Variants in PALLD observed in about 807,000 individuals in gnomAD.
PALLD encodes palladin, cytoskeletal associated protein.
Under a neutral mutation model 123.5 loss-of-function variants are expected in PALLD, and 61 were observed. That is an observed-to-expected ratio of 0.49 (90% CI 0.40 to 0.61). The LOEUF (loss-of-function observed/expected upper bound fraction) is 0.61. PALLD is among the 20% of genes least tolerant of loss of function. The pLI is 0.00. For synonymous variants in PALLD, 465 were observed against 496.4 expected (o/e 0.94, Z 0.84); for missense variants, 1,273 against 1,377.0 (o/e 0.92, Z 1.20).
intron 2 of PALLD, among the ~76,000 whole-genome samples, chr4:168,572,787 T>C (rs1561261265): frequency 6.6e-6 from 1 of 151,700 alleles, no homozygotes; most frequent in Non-Finnish European, 1.5e-5. Flanking sequence ...AAGCCATCCT[T>C]CCACGGACAT....
intron 10 of PALLD, among the ~76,000 whole-genome samples, chr4:168,818,568 G>A (rs780303673): frequency 2.6e-5 from 4 of 152,188 alleles, no homozygotes; most frequent in Non-Finnish European, 5.9e-5. Flanking sequence ...CTGGACAACA[G>A]AGTGAGACCC....
chr4:168,833,762 A>AT (rs199930298), intron 10 of PALLD, among the ~76,000 whole-genome samples: 1 of 150,616 alleles, frequency 6.6e-6, no homozygotes, highest in African/African-American at 2.4e-5. Context: ...CCCCAAAACA[A>AT]TTTTTTTCCC....
At chr4:168,532,168 A>G (rs1219487537) in intron 2 of PALLD, among the ~76,000 whole-genome samples, 1 of 152,150 alleles carries the variant, frequency 6.6e-6, no homozygotes, top group African/African-American at 2.4e-5. Context: ...GCTTCCACTT[A>G]TAAGTGAGAA....
At chr4:168,857,541 G>T (rs1560804216) in intron 10 of PALLD, among the ~76,000 whole-genome samples, 1 of 152,116 alleles carries the variant, frequency 6.6e-6, no homozygotes, top group Non-Finnish European at 1.5e-5. Flanking sequence ...TGTTTTAATT[G>T]ATTTTTATTT....
intron 10 of PALLD, among the ~76,000 whole-genome samples, chr4:168,773,512 C>T (rs1734734633): frequency 6.6e-6 from 1 of 152,182 alleles, no homozygotes; most frequent in South Asian, 2.1e-4. Context: ...CAGGTGTGAT[C>T]TCACAGCTCT....
At chr4:168,629,797 C>T (rs1775642987) in intron 2 of PALLD, among the ~76,000 whole-genome samples, 2 of 152,308 alleles carry the variant, frequency 1.3e-5, no homozygotes, top group Admixed American at 1.3e-4. Context: ...TTTTCAGTAA[C>T]ATTTGACACC....
intron 2 of PALLD, among the ~76,000 whole-genome samples, chr4:168,653,119 A>G (rs1178403392): frequency 1.3e-5 from 2 of 152,182 alleles, no homozygotes; most frequent in African/African-American, 4.8e-5. Context: ...AGTGACAGGG[A>G]ACTCACTAAG....
chr4:168,762,489 G>C (rs1581345639), intron 10 of PALLD, among the ~76,000 whole-genome samples: 1 of 152,258 alleles, frequency 6.6e-6, no homozygotes, highest in East Asian at 1.9e-4. Flanking sequence ...AAAAGAAAAA[G>C]CCATTCTCTG....
intron 2 of PALLD, among the ~76,000 whole-genome samples, chr4:168,606,657 C>G (rs1306764942): frequency 7.7e-6 from 1 of 129,304 alleles, no homozygotes; most frequent in African/African-American, 2.9e-5. Flanking sequence ...GAGCGAGACT[C>G]CGTCTCAAAA....
chr4:168,525,729 C>T (rs1291246420), intron 2 of PALLD, among the ~76,000 whole-genome samples: 7 of 152,148 alleles, frequency 4.6e-5, no homozygotes, highest in Admixed American at 4.6e-4. Flanking sequence ...ATAGTTTAAA[C>T]AAGATATTCC....
At chr4:168,901,285 TCCTC>T (rs1305561215) in intron 14 of PALLD, among the ~76,000 whole-genome samples, 1 of 152,214 alleles carries the variant, frequency 6.6e-6, no homozygotes, top group East Asian at 1.9e-4. Flanking sequence ...AATATTTTAT[TCCTC>T]CCTTGACATG....
In PALLD at chr4:168,633,154, G is replaced by A. The variant is rs372344916; in HGVS notation, c.909-35036G>A. On this transcript the variant is annotated intron_variant, in intron 2 of 21. Coordinates refer to ENST00000505667, the MANE Select transcript of PALLD (RefSeq NM_001166108.2). ...TCACACTTCCAAGTGGAGCTCAATG[G>A]AATGCTTGTTTATTTCTGTTGCCGA... Among the ~76,000 whole-genome samples the A allele has an allele frequency of 2.0e-5, 3 of 152,308 alleles. No individual in the cohort carries two copies. In the South Asian group the frequency reaches 6.2e-4, roughly 32 times the overall value.
Position 168,791,213 on chromosome 4 carries a change from A to G in PALLD, c.1964+79290A>G, listed in dbSNP as rs147031251. ...CTCTGCCTGGCCAAAGCCCCATGGA[A>G]TGCCCTAATCACATGTCCCTCTGCA... On this transcript the variant is annotated intron_variant, in intron 10 of 21. Coordinates refer to ENST00000505667, the MANE Select transcript of PALLD (RefSeq NM_001166108.2). Among the ~76,000 whole-genome samples, 212 of 152,274 alleles carry G rather than the reference A, an allele frequency of 1.4e-3. 1 individual carries two copies. The highest frequency in any genetic ancestry group is 4.8e-3 in the African/African-American group (198 of 41,564).
intron 2 of PALLD, among the ~76,000 whole-genome samples, chr4:168,540,110 G>A (rs560608050): frequency 1.6e-4 from 25 of 152,210 alleles, no homozygotes; most frequent in African/African-American, 5.3e-4. Context: ...TTATGGCACC[G>A]TATTATGACC....
intron 10 of PALLD, among the ~76,000 whole-genome samples, chr4:168,820,245 C>T (rs987057138): frequency 5.9e-5 from 9 of 152,338 alleles, no homozygotes; most frequent in Non-Finnish European, 1.2e-4. Context: ...CAAATGCTTT[C>T]CAAAGTCTCG....
At chr4:168,791,067 C>T (rs572942156) in intron 10 of PALLD, among the ~76,000 whole-genome samples, 12 of 152,134 alleles carry the variant, frequency 7.9e-5, no homozygotes, top group Non-Finnish European at 1.6e-4. Context: ...AGCTGGCATC[C>T]AAGACCACAG....
chr4:168,787,230 T>C (rs1736886510), intron 10 of PALLD, among the ~76,000 whole-genome samples: 1 of 152,214 alleles, frequency 6.6e-6, no homozygotes, highest in South Asian at 2.1e-4. Flanking sequence ...AACCTGCCCA[T>C]CAGCCAGGTA....
chr4:168,608,972 C>G (rs985976422), intron 2 of PALLD, among the ~76,000 whole-genome samples: 2 of 151,708 alleles, frequency 1.3e-5, no homozygotes, highest in Non-Finnish European at 2.9e-5. Context: ...TCAACACACA[C>G]ACACCCCGCT....
At chr4:168,735,341 A>G (rs1787633764) in intron 10 of PALLD, among the ~76,000 whole-genome samples, 1 of 151,894 alleles carries the variant, frequency 6.6e-6, no homozygotes, top group Non-Finnish European at 1.5e-5. Context: ...CAGCATTTCC[A>G]CTCAGCCTGC....
Sources: allele counts gnomAD v4.1 joint callset (sites outside exome capture counted in the v4.1 genomes callset), GRCh38; gene constraint gnomAD v4.1.1; transcripts MANE v1.5; gene names NCBI Gene and HGNC (gene_info 2026-07-23, HGNC 2026-07-21).